The following NTM variants were observed in gnomAD, a reference collection of about 807,000 sequenced individuals.
NTM encodes the protein IgLON family member 2.
Under a neutral mutation model 42.1 loss-of-function variants are expected in NTM, and 13 were observed. That is an observed-to-expected ratio of 0.31 (90% confidence interval 0.20 to 0.49). The LOEUF is 0.49. Among genes scored for constraint, NTM ranks in the 20% least tolerant of loss-of-function variants. NTM has a pLI of 0.99. For synonymous variants in NTM, 187 were observed against 179.2 expected, an observed-to-expected ratio of 1.04 and a Z score of -0.35; for missense variants, 373 against 452.8, an observed-to-expected ratio of 0.82 and a Z score of 1.60.
At chr11:132,138,524 G>A (rs1397742161) in intron 2 of NTM, among the ~76,000 whole-genome samples, 1 of 149,844 alleles carries the variant, frequency 6.7e-6, no homozygotes, top group African/African-American at 2.4e-5. Flanking sequence ...GCAGTGTGGG[G>A]TGGGAGTGTG....
chr11:131,433,865 G>A (rs931546037), intron 1 of NTM, among the ~76,000 whole-genome samples: 4 of 152,186 alleles, frequency 2.6e-5, no homozygotes, highest in Non-Finnish European at 5.9e-5. Flanking sequence ...TGTTACATAG[G>A]TATACACGTG....
At chr11:131,502,447 A>G (rs2046951661) in intron 1 of NTM, among the ~76,000 whole-genome samples, 1 of 152,118 alleles carries the variant, frequency 6.6e-6, no homozygotes, top group Non-Finnish European at 1.5e-5. Flanking sequence ...ACTGACCAAG[A>G]CCTGGAGATC....
intron 1 of NTM, among the ~76,000 whole-genome samples, chr11:131,885,302 A>G (rs1276640026): frequency 6.6e-6 from 1 of 152,202 alleles, no homozygotes; most frequent in Non-Finnish European, 1.5e-5. Flanking sequence ...GATAAAGGGA[A>G]GAGAGATCCG....
intron 1 of NTM, among the ~76,000 whole-genome samples, chr11:131,656,173 G>A (rs370932223): frequency 5.3e-5 from 8 of 152,232 alleles, no homozygotes; most frequent in African/African-American, 1.9e-4. Flanking sequence ...AAGGGAGAAG[G>A]CTTTGCATTC....
intron 1 of NTM, among the ~76,000 whole-genome samples, chr11:131,472,036 T>C (rs1437827408): frequency 6.6e-6 from 1 of 152,218 alleles, no homozygotes; most frequent in Non-Finnish European, 1.5e-5. Flanking sequence ...CAGGAGGCAC[T>C]TCAAACCTGA....
At chr11:132,140,980 C>A (rs990536303) in intron 2 of NTM, 4 of 152,216 alleles carry the variant, frequency 2.6e-5, no homozygotes, top group African/African-American at 9.6e-5. Context: ...GATGCGCTGC[C>A]TTTCAGACAC....
At chr11:132,054,877 A>G (rs1383967777) in intron 2 of NTM, among the ~76,000 whole-genome samples, 2 of 152,216 alleles carry the variant, frequency 1.3e-5, no homozygotes, top group Non-Finnish European at 2.9e-5. Flanking sequence ...GATGGAGGAC[A>G]TGGAAAATGA....
intron 1 of NTM, among the ~76,000 whole-genome samples, chr11:131,751,425 T>C (rs2082507543): frequency 6.6e-6 from 1 of 151,676 alleles, no homozygotes; most frequent in Non-Finnish European, 1.5e-5. Context: ...CCCGTCTCCA[T>C]TAAAAATACA....
intron 2 of NTM, among the ~76,000 whole-genome samples, chr11:131,986,269 C>G (rs569298922): frequency 1.3e-5 from 2 of 152,184 alleles, no homozygotes; most frequent in African/African-American, 4.8e-5. Flanking sequence ...CATGAAATAG[C>G]ATAGCAGAGA....
intron 2 of NTM, among the ~76,000 whole-genome samples, chr11:131,982,576 G>C (rs931270578): frequency 6.6e-6 from 1 of 152,094 alleles, no homozygotes; most frequent in African/African-American, 2.4e-5. Flanking sequence ...GGTCTGTCCC[G>C]TGTATGTGCC....
chr11:131,559,269 T>C (rs1026816022), intron 1 of NTM, among the ~76,000 whole-genome samples: 4 of 152,238 alleles, frequency 2.6e-5, no homozygotes, highest in African/African-American at 9.6e-5. Context: ...TTCTCTTTAG[T>C]AAAACATATG....
intron 1 of NTM, among the ~76,000 whole-genome samples, chr11:131,894,710 CT>C (rs1398159722): frequency 6.6e-6 from 1 of 152,298 alleles, no homozygotes; most frequent in East Asian, 1.9e-4. Context: ...GCCCGGGCTC[CT>C]CCCTATCAAA....
chr11:131,985,897 A>C (rs565834937), intron 2 of NTM, among the ~76,000 whole-genome samples: 1 of 152,332 alleles, frequency 6.6e-6, no homozygotes, highest in East Asian at 1.9e-4. Context: ...TCATCAGGAC[A>C]CAGCACATAG....
At position 131,892,679 on chromosome 11, in the gene NTM, C is replaced by CA. The variant is rs1391785860; in HGVS notation, c.83-18885_83-18884insA. Among the ~76,000 whole-genome samples the CA allele has an allele frequency of 2.0e-5, 3 of 152,348 alleles. No homozygotes were observed. In the East Asian group the frequency reaches 5.8e-4, roughly 29 times the overall value. ...AGGAAATTTAAAGACGCTGCTGCCT[C>CA]CAAGCTCATCAGGTTCTCCTGTCAA... On this transcript the variant is annotated intron_variant, in intron 1 of 8. Transcript: ENST00000683400.
At chr11:131,408,875 G>T (rs1946088405) in intron 1 of NTM, among the ~76,000 whole-genome samples, 1 of 152,180 alleles carries the variant, frequency 6.6e-6, no homozygotes, top group Non-Finnish European at 1.5e-5. Flanking sequence ...GGAGGGTGAG[G>T]CAATTCCTTT....
chr11:132,165,391 G>T (rs1178938517), intron 3 of NTM, among the ~76,000 whole-genome samples: 1 of 152,124 alleles, frequency 6.6e-6, no homozygotes, highest in Non-Finnish European at 1.5e-5. Context: ...CCCCATCTTT[G>T]CTGTCATGGC....
chr11:131,390,787 C>T (rs142709373), intron 1 of NTM, among the ~76,000 whole-genome samples: 1 of 152,136 alleles, frequency 6.6e-6, no homozygotes, highest in Non-Finnish European at 1.5e-5. Context: ...TCAAGCCCCA[C>T]CCCCAGAGAG....
At chr11:131,543,061 G>A (rs2136822495) in intron 1 of NTM, among the ~76,000 whole-genome samples, 1 of 152,292 alleles carries the variant, frequency 6.6e-6, no homozygotes, top group South Asian at 2.1e-4. Flanking sequence ...AGGGAGCTGA[G>A]GATGAACACG....
At chr11:131,446,279 G>A (rs1950049736) in intron 1 of NTM, among the ~76,000 whole-genome samples, 1 of 152,112 alleles carries the variant, frequency 6.6e-6, no homozygotes, top group South Asian at 2.1e-4. Flanking sequence ...CCCTAGGAGA[G>A]AACTTCCCAG....
Sources: allele counts gnomAD v4.1 joint callset (sites outside exome capture counted in the v4.1 genomes callset), GRCh38; gene constraint gnomAD v4.1.1; transcripts MANE v1.5; gene names NCBI Gene and HGNC (gene_info 2026-07-23, HGNC 2026-07-21).